The following GPC1 variants were observed in gnomAD, a reference collection of about 807,000 sequenced individuals.
The protein encoded by GPC1 is glypican 1.
GPC1 carries 26 observed loss-of-function variants against 51.5 expected under a neutral mutation model. That is an observed-to-expected ratio of 0.50 (90% CI 0.37 to 0.70). The LOEUF is 0.70. Ranked by LOEUF, GPC1 falls within the 30% of genes least tolerant of loss-of-function variation. The probability of loss-of-function intolerance (pLI) is 0.00; values close to 1 mark genes in which losing one functional copy is unlikely to be tolerated. For synonymous variants in GPC1, 380 were observed against 348.3 expected (o/e 1.09, Z -1.01); for missense variants, 775 against 800.5 (o/e 0.97, Z 0.38).
chr2:240,443,434 C>G (rs1037161010), intron 1 of GPC1, among the ~76,000 whole-genome samples: 3 of 152,202 alleles, frequency 2.0e-5, no homozygotes, highest in Non-Finnish European at 4.4e-5. Context: ...CCGCTGCTCT[C>G]TTGTGCTGAG....
intron 2 of GPC1, 87 bp from the exon 3 acceptor site, chr2:240,462,104 G>T: frequency 7.8e-7 from 1 of 1,287,492 alleles, no homozygotes; most frequent in Non-Finnish European, 1.1e-6. Flanking sequence ...CCTCAGAGCT[G>T]AGTCTCCCGG....
intron 1 of GPC1, among the ~76,000 whole-genome samples, chr2:240,457,229 G>A (rs1016489491): frequency 3.9e-5 from 6 of 152,160 alleles, no homozygotes; most frequent in African/African-American, 1.4e-4. Flanking sequence ...CAAGGAGGGA[G>A]CGCTCCAGGA....
Position 240,466,393 on chromosome 2 carries a change from C to G in GPC1, c.*103C>G. 1.4e-6 allele frequency: 1 copy of G among 698,188 alleles called. No homozygotes were observed. The highest frequency in any genetic ancestry group is 2.5e-6 in the Non-Finnish European group (1 of 406,386). 43.2% of individuals were successfully genotyped at this position (698,188 alleles called of 1,614,324 possible). On this transcript the variant is annotated 3_prime_UTR_variant, in exon 9 of 9. Coordinates refer to ENST00000264039, the MANE Select transcript of GPC1 (RefSeq NM_002081.3). ...CAGCCTGGAGAGGCCTGGGGTGGGA[C>G]AGGGAGGGCCGGCGGCTCTGAGCAG...
intron 2 of GPC1, among the ~76,000 whole-genome samples, chr2:240,461,294 G>A (rs1027720916): frequency 2.6e-5 from 4 of 152,156 alleles, no homozygotes; most frequent in East Asian, 1.9e-4. Flanking sequence ...CAGGCTTGAC[G>A]GCCCCCGTGC....
chr2:240,438,203 C>T (rs1436825266), intron 1 of GPC1, among the ~76,000 whole-genome samples: 3 of 152,204 alleles, frequency 2.0e-5, no homozygotes, highest in Non-Finnish European at 4.4e-5. Context: ...CTGCACTGGG[C>T]AGGATTACTG....
At position 240,448,896 on chromosome 2, in the gene GPC1, T is replaced by G. The variant is rs1052552142; in HGVS notation, c.167-10134T>G. ...CTAGTTTTGCAAGAGTGGCCTAATC[T>G]CCATACCTGGGCTCGGGGTGCCCAG... is the stretch of plus-strand genomic sequence containing the variant. On this transcript the variant is annotated intron_variant, in intron 1 of 8. Coordinates refer to ENST00000264039, the MANE Select transcript of GPC1 (RefSeq NM_002081.3). The surrounding 1 kb of genome is among the most constrained non-coding windows in gnomAD (Gnocchi z 4.5). Among the ~76,000 whole-genome samples the G allele has an allele frequency of 1.3e-5, 2 of 151,838 alleles. No homozygotes were observed. Among genetic ancestry groups the G allele is most frequent in the Non-Finnish European group, 2.9e-5 (2 of 67,928 alleles).
In GPC1 at chr2:240,463,527, G is replaced by A. The variant is rs773487858; in HGVS notation, c.883+15G>A. 4.5e-5 allele frequency: 72 copies of A among 1,610,856 alleles called. No individual in the cohort carries two copies. Among genetic ancestry groups the A allele is most frequent in the African/African-American group, 9.3e-5 (7 of 74,886 alleles). Reference sequence around the variant, plus strand: ...GAACCTCCTGGGTGAGCCCCCACCCGCGAGAGCGGCCTGGAACTGTCTTGG... The same window carrying A: ...GAACCTCCTGGGTGAGCCCCCACCCACGAGAGCGGCCTGGAACTGTCTTGG... On this transcript the variant is annotated intron_variant, in intron 4 of 8. Transcript: ENST00000264039.
chr2:240,437,088 T>C (rs528594742), intron 1 of GPC1, among the ~76,000 whole-genome samples: 3 of 152,234 alleles, frequency 2.0e-5, no homozygotes, highest in African/African-American at 7.2e-5. Context: ...CAAAACAGAC[T>C]AGGTTCCTGC....
chr2:240,436,939 C>A (rs922151834), intron 1 of GPC1, among the ~76,000 whole-genome samples: 5 of 152,244 alleles, frequency 3.3e-5, no homozygotes, highest in African/African-American at 1.2e-4. Context: ...CCCGGAGGAG[C>A]TTTGGGGACA....
intron 6 of GPC1, 39 bp from the exon 7 acceptor site, chr2:240,465,038 G>A (rs772582024): frequency 3.2e-5 from 50 of 1,581,178 alleles, no homozygotes; most frequent in Middle Eastern, 1.7e-4. Flanking sequence ...AGAGGCGGGC[G>A]GGCCCTGGCA....
At chr2:240,465,252 G>A (rs534882565) in intron 7 of GPC1, 42 bp downstream of exon 7, 131 of 1,564,438 alleles carry the variant, frequency 8.4e-5, no homozygotes, top group Admixed American at 3.2e-4. Context: ...CTCCCATGCC[G>A]CCTCCATTGG....
At chr2:240,455,917 G>T (rs970133203) in intron 1 of GPC1, 64 of 331,250 alleles carry the variant, frequency 1.9e-4, no homozygotes, top group African/African-American at 1.4e-3. Context: ...CCTGCAGCGG[G>T]CCTCAGGGGG....
chr2:240,449,707 C>G (rs1397252497), intron 1 of GPC1: 2 of 397,840 alleles, frequency 5.0e-6, no homozygotes, highest in Non-Finnish European at 1.0e-5. Flanking sequence ...ACAGTAACTC[C>G]CCATTTCCCC....
At chr2:240,455,346 G>A (rs1412040515) in intron 1 of GPC1, among the ~76,000 whole-genome samples, 2 of 152,230 alleles carry the variant, frequency 1.3e-5, no homozygotes, top group Non-Finnish European at 2.9e-5. Flanking sequence ...TTCAGCCCAG[G>A]GATCAGGGAA....
rs947547394 is a variant in GPC1, at chr2:240,448,012, T to A, written c.167-11018T>A. Among the ~76,000 whole-genome samples the A allele has an allele frequency of 2.0e-5, 3 of 152,138 alleles. No individual in the cohort carries two copies. The highest frequency in any genetic ancestry group is 7.2e-5 in the African/African-American group (3 of 41,444). ...TGGTGGAAATGGCAAGAAGAGTTGC[T>A]GCCAGGCCATTCTGGGTGGAACACA... On this transcript the variant is annotated intron_variant, in intron 1 of 8. Transcript: ENST00000264039. This position sits in a 1 kb window ranked among gnomAD's most constrained non-coding sequence, Gnocchi z 4.5.
intron 4 of GPC1, chr2:240,463,906 C>A: frequency 3.7e-6 from 1 of 269,012 alleles, no homozygotes; most frequent in South Asian, 5.0e-5. Context: ...TGCTGACACA[C>A]AGTGGGCCAG....
chr2:240,440,933 C>G (rs2074013386), intron 1 of GPC1, among the ~76,000 whole-genome samples: 1 of 152,282 alleles, frequency 6.6e-6, no homozygotes, highest in Admixed American at 6.5e-5. Context: ...CCAGCGTGTG[C>G]CACGAAGCCC....
At chr2:240,460,411 C>T (rs1320444186) in intron 2 of GPC1, among the ~76,000 whole-genome samples, 1 of 152,098 alleles carries the variant, frequency 6.6e-6, no homozygotes, top group African/African-American at 2.4e-5. Context: ...TCACCTCCTC[C>T]ACTCTATCCT....
chr2:240,455,897 G>T (rs1012165269), intron 1 of GPC1: 2 of 309,930 alleles, frequency 6.5e-6, no homozygotes, highest in East Asian at 1.5e-4. Context: ...TTTGACTGCC[G>T]TGCGTCCAGC....
Sources: allele counts gnomAD v4.1 joint callset (sites outside exome capture counted in the v4.1 genomes callset), GRCh38; gene constraint gnomAD v4.1.1; non-coding constraint Gnocchi (gnomAD v3.1); transcripts MANE v1.5; gene names NCBI Gene and HGNC (gene_info 2026-07-23, HGNC 2026-07-21).